The following RBKS variants were observed in gnomAD, a reference collection of about 807,000 sequenced individuals.
RBKS encodes the protein ribokinase.
RBKS carries 33 observed loss-of-function variants against 33.9 expected under a neutral mutation model. That is an observed-to-expected ratio of 0.97 (90% CI 0.74 to 1.30). The LOEUF (loss-of-function observed/expected upper bound fraction) is 1.30. Among genes scored for constraint, RBKS ranks in the 50% most tolerant of loss-of-function variants. The probability of loss-of-function intolerance (pLI) is 0.00; values close to 1 mark genes in which losing one functional copy is unlikely to be tolerated. For missense variants in RBKS, 361 were observed against 392.6 expected (o/e 0.92, Z 0.68); for synonymous variants, 125 against 143.0 (o/e 0.87, Z 0.90).
At chr2:27,881,857 G>C (rs551847160) in intron 1 of RBKS, among the ~76,000 whole-genome samples, 1 of 152,272 alleles carries the variant, frequency 6.6e-6, no homozygotes, top group African/African-American at 2.4e-5. Context: ...GGAATAACTG[G>C]CTAGGCACGT....
chr2:27,789,651 G>A (rs1282669179), intron 7 of RBKS, among the ~76,000 whole-genome samples: 3 of 151,804 alleles, frequency 2.0e-5, no homozygotes, highest in East Asian at 1.9e-4. Flanking sequence ...TGTAACTTCC[G>A]CCTCCTAGGT....
chr2:27,872,402 G>A (rs1038969122), intron 1 of RBKS, among the ~76,000 whole-genome samples: 4 of 152,108 alleles, frequency 2.6e-5, no homozygotes, highest in East Asian at 3.9e-4. Context: ...TCAGGTATGC[G>A]CTGTTTATGA....
chr2:27,801,872 C>G (rs1445195026), intron 7 of RBKS, among the ~76,000 whole-genome samples: 2 of 145,638 alleles, frequency 1.4e-5, no homozygotes, highest in Non-Finnish European at 3.0e-5. Flanking sequence ...GGGTCTCACT[C>G]TGTCACCCAT....
intron 7 of RBKS, among the ~76,000 whole-genome samples, chr2:27,791,613 T>TACACACACACACACACACAC (rs59707075): frequency 3.5e-5 from 5 of 140,964 alleles, no homozygotes; most frequent in African/African-American, 1.4e-4. Flanking sequence ...ATAATAAATC[T>TACACACACACACACACACAC]ACACACACAC....
At chr2:27,872,103 C>T (rs774657439) in intron 1 of RBKS, among the ~76,000 whole-genome samples, 1 of 152,174 alleles carries the variant, frequency 6.6e-6, no homozygotes, top group African/African-American at 2.4e-5. Context: ...TGAAGCTTTG[C>T]TCACTTGCCT....
intron 1 of RBKS, among the ~76,000 whole-genome samples, chr2:27,862,142 GT>G (rs1189813563): frequency 1.3e-5 from 2 of 151,642 alleles, no homozygotes; most frequent in African/African-American, 4.8e-5. Flanking sequence ...TAGAGACGGG[GT>G]TTTGCCATGT....
intron 6 of RBKS, among the ~76,000 whole-genome samples, chr2:27,828,727 C>T (rs542096341): frequency 2.1e-4 from 32 of 152,274 alleles, no homozygotes; most frequent in Admixed American, 8.5e-4. Context: ...TATTTTTCTA[C>T]TGAGTGATTT....
At position 27,890,041 on chromosome 2, in the gene RBKS, G is replaced by A. The variant is rs1453649859; in HGVS notation, c.89+216C>T. ...AATATTAGAGCTTTCACTAAACCCT[G>A]GCCTATTACGTCCCCTCCCCTGAGA... On this transcript the variant is annotated intron_variant, in intron 1 of 7. Coordinates refer to ENST00000302188, the MANE Select transcript of RBKS (RefSeq NM_022128.3). The surrounding 1 kb of genome is among the most constrained non-coding windows in gnomAD (Gnocchi z 4.8). 1.9e-6 allele frequency: 1 copy of A among 524,670 alleles called. No individual in the cohort carries two copies. Among genetic ancestry groups the A allele is most frequent in the Non-Finnish European group, 3.4e-6 (1 of 293,042 alleles). 32.5% of individuals were successfully genotyped at this position (524,670 alleles called of 1,614,324 possible).
At chr2:27,782,876 GTTT>G (rs1298895831) in intron 7 of RBKS, among the ~76,000 whole-genome samples, 7 of 152,234 alleles carry the variant, frequency 4.6e-5, no homozygotes, top group Admixed American at 1.3e-4. Flanking sequence ...TAAGGGTGGG[GTTT>G]CTATGCTCTA....
chr2:27,853,256 C>G (rs148053216), intron 2 of RBKS, among the ~76,000 whole-genome samples: 2,289 of 150,780 alleles, frequency 0.015, 23 homozygotes, highest in Middle Eastern at 0.072. Flanking sequence ...GTCTCAGCTA[C>G]TCTGGAGGCT....
At chr2:27,803,732 T>C (rs1340576104) in intron 7 of RBKS, among the ~76,000 whole-genome samples, 2 of 151,516 alleles carry the variant, frequency 1.3e-5, no homozygotes, top group African/African-American at 4.9e-5. Context: ...TAATCCATTT[T>C]TTAATTACTC....
intron 5 of RBKS, among the ~76,000 whole-genome samples, chr2:27,834,618 C>G (rs550478120): frequency 3.3e-5 from 5 of 152,258 alleles, no homozygotes; most frequent in African/African-American, 7.2e-5. Context: ...CATAAAGGCT[C>G]TCATTGTCCA....
chr2:27,798,872 G>A (rs937086359), intron 7 of RBKS, among the ~76,000 whole-genome samples: 1 of 152,114 alleles, frequency 6.6e-6, no homozygotes, highest in African/African-American at 2.4e-5. Flanking sequence ...TATTAACTTG[G>A]CCATCACATA....
intron 1 of RBKS, among the ~76,000 whole-genome samples, chr2:27,865,348 T>G (rs574036636): frequency 6.6e-6 from 1 of 151,666 alleles, no homozygotes; most frequent in East Asian, 1.9e-4. Flanking sequence ...ACAAACAAAA[T>G]TCTTTAATCC....
intron 1 of RBKS, among the ~76,000 whole-genome samples, chr2:27,876,161 G>C (rs554628030): frequency 6.6e-6 from 1 of 152,250 alleles, no homozygotes; most frequent in East Asian, 1.9e-4. Flanking sequence ...ACTGAAAACA[G>C]GGGCTCAAAC....
At chr2:27,841,488 G>A (rs1254025026) in intron 5 of RBKS, among the ~76,000 whole-genome samples, 1 of 152,138 alleles carries the variant, frequency 6.6e-6, no homozygotes, top group Non-Finnish European at 1.5e-5. Context: ...ACTTTACTGT[G>A]ACACTCCAAG....
At chr2:27,844,209 G>C (rs768270800) in intron 4 of RBKS, among the ~76,000 whole-genome samples, 9 of 148,346 alleles carry the variant, frequency 6.1e-5, no homozygotes, top group Non-Finnish European at 1.0e-4. Flanking sequence ...GCAGTGACCT[G>C]AGATTGTGTC....
At chr2:27,883,663 G>A (rs1235455798) in intron 1 of RBKS, among the ~76,000 whole-genome samples, 3 of 152,130 alleles carry the variant, frequency 2.0e-5, no homozygotes, top group African/African-American at 7.2e-5. Flanking sequence ...GCAAAGGAAT[G>A]GATTGCTAAA....
Position 27,831,894 on chromosome 2 carries a change from G to A in RBKS, c.606+792C>T, listed in dbSNP as rs548873519. ...GACACCACTGCATTCCAACCTGGGTGAAACAGTGAGTTCCTGTCTCAAAAA... is the reference window on the plus strand; with the variant it reads ...GACACCACTGCATTCCAACCTGGGTAAAACAGTGAGTTCCTGTCTCAAAAA... On this transcript the variant is annotated intron_variant, in intron 6 of 7. Coordinates refer to ENST00000302188, the MANE Select transcript of RBKS (RefSeq NM_022128.3). Among the ~76,000 whole-genome samples the A allele has an allele frequency of 1.8e-3, 278 of 151,964 alleles. 1 individual carries two copies. Among genetic ancestry groups the A allele is most frequent in the African/African-American group, 6.4e-3 (267 of 41,414 alleles).
Sources: gnomAD v4.1 joint callset for allele counts (sites outside exome capture counted in the v4.1 genomes callset) on GRCh38, gnomAD v4.1.1 for gene constraint, Gnocchi (gnomAD v3.1) non-coding constraint, MANE v1.5 for transcripts, NCBI Gene and HGNC (gene_info 2026-07-23, HGNC 2026-07-21) for gene names.